Variants in DAB1 observed in about 807,000 individuals in gnomAD.
The protein encoded by DAB1 is disabled homolog 1.
Under a neutral mutation model 64.6 loss-of-function variants are expected in DAB1, and 15 were observed. The ratio of observed to expected loss-of-function variants is 0.23; its 90% CI spans 0.16 to 0.36. The LOEUF is 0.36. Ranked by LOEUF, DAB1 falls within the 10% of genes least tolerant of loss-of-function variation. DAB1 has a pLI of 1.00. For synonymous variants in DAB1, 235 were observed against 251.9 expected (o/e 0.93, Z 0.64); for missense variants, 596 against 706.7 (o/e 0.84, Z 1.78).
At chr1:58,268,190 T>G (rs1333727921) in intron 4 of DAB1, among the ~76,000 whole-genome samples, 1 of 152,208 alleles carries the variant, frequency 6.6e-6, no homozygotes, top group African/African-American at 2.4e-5. Context: ...AAAATTATTC[T>G]TTTATAGCCA....
rs1385391996 is a variant in DAB1 at position 56,997,837 on chromosome 1, A to T, written c.*307T>A. The T allele has an allele frequency of 6.6e-6, 1 of 152,208 alleles. No individual in the cohort carries two copies. Among genetic ancestry groups the T allele is most frequent in the Non-Finnish European group, 1.5e-5 (1 of 68,034 alleles). The allele number at this position is 152,208 out of a possible 1,614,324, so 9.4% of individuals were successfully genotyped here. On this transcript the variant is annotated 3_prime_UTR_variant, in exon 15 of 15. Coordinates refer to ENST00000371236, the MANE Select transcript of DAB1 (RefSeq NM_001365792.1). ...TCTTAAACCCAGCTATGAGGGCTCA[A>T]ATATTTGTTGGGTAAGCATTTGCTT...
chr1:57,973,801 T>C (rs1164693745), intron 5 of DAB1, among the ~76,000 whole-genome samples: 1 of 152,118 alleles, frequency 6.6e-6, no homozygotes, highest in Non-Finnish European at 1.5e-5. Flanking sequence ...GACTTTTATA[T>C]TAGCCTCCAA....
At chr1:57,934,879 G>A (rs575039495) in intron 5 of DAB1, among the ~76,000 whole-genome samples, 1 of 152,290 alleles carries the variant, frequency 6.6e-6, no homozygotes, top group African/African-American at 2.4e-5. Context: ...ACAGAGGTAC[G>A]ACTTCTGCTG....
downstream of DAB1, among the ~76,000 whole-genome samples, chr1:57,821,129 C>T (rs376118482): frequency 4.6e-5 from 7 of 152,204 alleles, no homozygotes; most frequent in East Asian, 9.7e-4. Context: ...CCATCAACAT[C>T]CTCTAACATA....
rs1215276464 is a variant in DAB1 at position 58,518,301 on chromosome 1, A to G, written n.107+8960T>C. Among the ~76,000 whole-genome samples the G allele has an allele frequency of 5.4e-4, 34 of 62,840 alleles. 1 individual carries two copies. Among genetic ancestry groups the G allele is most frequent in the Middle Eastern group, 0.017 (2 of 120 alleles). The allele number at this position is 62,840 out of a possible 152,430, so 41.2% of individuals were successfully genotyped here. ...AGGAGAAGAGAAGAGAAGAGAAGAG[A>G]AGAGAAGAGAAGAGAAGAGAAGAGA... On this transcript the variant is annotated intron_variant and non_coding_transcript_variant, in intron 2 of 20. Transcript: ENST00000485760.
chr1:57,261,796 C>T (rs1001284639), intron 2 of DAB1, among the ~76,000 whole-genome samples: 1 of 152,190 alleles, frequency 6.6e-6, no homozygotes, highest in African/African-American at 2.4e-5. Flanking sequence ...ATGTGCCTCA[C>T]AGATTGTTAT....
At chr1:57,594,392 C>G (rs1333669744) in intron 7 of DAB1, among the ~76,000 whole-genome samples, 1 of 152,152 alleles carries the variant, frequency 6.6e-6, no homozygotes, top group Non-Finnish European at 1.5e-5. Context: ...AGGTCTGTTT[C>G]TGGAGCACCC....
intron 1 of DAB1, among the ~76,000 whole-genome samples, chr1:57,326,815 C>T (rs1423476202): frequency 3.3e-5 from 5 of 152,174 alleles, no homozygotes; most frequent in African/African-American, 7.2e-5. Flanking sequence ...ATCCTCATCA[C>T]CTCCCAATGT....
At chr1:57,984,240 G>GAAAGAAAGAAAGAA (rs1557595085) in intron 5 of DAB1, among the ~76,000 whole-genome samples, 12 of 143,648 alleles carry the variant, frequency 8.4e-5, no homozygotes, top group Middle Eastern at 3.6e-3. Flanking sequence ...AAGAAAGAAA[G>GAAAGAAAGAAAGAA]AAAGAAAGAA....
chr1:58,486,587 T>C (rs552550734), intron 3 of DAB1, among the ~76,000 whole-genome samples: 18 of 152,332 alleles, frequency 1.2e-4, no homozygotes, highest in African/African-American at 3.8e-4. Context: ...ATAGGTACTA[T>C]GGATACAGCA....
chr1:57,701,201 TG>T (rs1646903760), intron 6 of DAB1, among the ~76,000 whole-genome samples: 1 of 152,022 alleles, frequency 6.6e-6, no homozygotes, highest in South Asian at 2.1e-4. Flanking sequence ...ATCCCATTAC[TG>T]GGTATATACC....
chr1:58,509,600 G>GAAAAAAAAAAAAAA (rs36019471), intron 2 of DAB1, among the ~76,000 whole-genome samples: 2 of 96,638 alleles, frequency 2.1e-5, no homozygotes, highest in Non-Finnish European at 4.4e-5. Flanking sequence ...TACCAAAAAA[G>GAAAAAAAAAAAAAA]AAAAAAAAAA....
chr1:57,549,305 A>C (rs1644889304), intron 7 of DAB1, among the ~76,000 whole-genome samples: 2 of 152,208 alleles, frequency 1.3e-5, no homozygotes, highest in South Asian at 4.1e-4. Flanking sequence ...AATACCTTAC[A>C]CAATGTCTGA....
At chr1:57,704,500 A>G (rs975696684) in intron 6 of DAB1, among the ~76,000 whole-genome samples, 6 of 152,304 alleles carry the variant, frequency 3.9e-5, no homozygotes, top group Non-Finnish European at 8.8e-5. Context: ...TATAATTCTA[A>G]GTACCATTTT....
chr1:57,636,109 A>AAC (rs1558562506), intron 7 of DAB1, among the ~76,000 whole-genome samples: 4 of 148,538 alleles, frequency 2.7e-5, no homozygotes, highest in African/African-American at 1.0e-4. Flanking sequence ...AAAAAAAAAA[A>AAC]AAAACAAAAA....
rs955812565 is a variant in DAB1, at chr1:57,636,299, T to C, written n.625+13293A>G. Among the ~76,000 whole-genome samples, 29 of 152,216 alleles carry C rather than the reference T, an allele frequency of 1.9e-4. 2 individuals are homozygous for C. Among genetic ancestry groups the C allele is most frequent in the African/African-American group, 7.0e-4 (29 of 41,540 alleles). On this transcript the variant is annotated intron_variant and non_coding_transcript_variant, in intron 7 of 20. Transcript: ENST00000485760. ...GCTGACACTTTGATCTTGAACCTCT[T>C]GCTTCCAGAATTGTGAGAAAATAAA...
intron 1 of DAB1, among the ~76,000 whole-genome samples, chr1:57,353,406 C>G (rs1678779219): frequency 6.6e-6 from 1 of 152,110 alleles, no homozygotes; most frequent in Non-Finnish European, 1.5e-5. Context: ...CACCTCCTTT[C>G]TGGATTACGA....
chr1:57,695,588 A>C (rs1646834770), intron 6 of DAB1, among the ~76,000 whole-genome samples: 1 of 152,142 alleles, frequency 6.6e-6, no homozygotes, highest in African/African-American at 2.4e-5. Flanking sequence ...GAGGTTGTGA[A>C]TCCATGTCTC....
chr1:57,596,294 C>G (rs541967909), intron 7 of DAB1, among the ~76,000 whole-genome samples: 1 of 144,208 alleles, frequency 6.9e-6, no homozygotes, highest in African/African-American at 2.5e-5. Context: ...AACTGCTACT[C>G]ACCTTCAGGT....
Sources: allele counts gnomAD v4.1 joint callset (sites outside exome capture counted in the v4.1 genomes callset), GRCh38; gene constraint gnomAD v4.1.1; transcripts MANE v1.5; gene names NCBI Gene and HGNC (gene_info 2026-07-23, HGNC 2026-07-21).